COL14A1: variants seen among roughly 807,000 people sequenced by gnomAD.
COL14A1 encodes collagen alpha-1(XIV) chain.
In COL14A1, 136 loss-of-function variants were observed where a neutral mutation model predicts 230.3. That is an observed-to-expected ratio of 0.59 (90% CI 0.51 to 0.68). The LOEUF (loss-of-function observed/expected upper bound fraction) is 0.68, where lower values mean the gene tolerates loss of function less well. COL14A1 is among the 30% of genes least tolerant of loss of function. The pLI is 0.00. For missense variants in COL14A1, 1,976 were observed against 2,215.8 expected (o/e 0.89, Z 2.17); for synonymous variants, 792 against 784.1 (o/e 1.01, Z -0.17).
intron 19 of COL14A1, among the ~76,000 whole-genome samples, chr8:120,236,695 G>T (rs1156314227): frequency 2.0e-5 from 3 of 152,128 alleles, no homozygotes; most frequent in African/African-American, 7.2e-5. Flanking sequence ...ATTAGTTGAT[G>T]CAGTTTCTTC....
chr8:120,239,635 C>T (rs909529720), intron 19 of COL14A1, among the ~76,000 whole-genome samples: 2 of 151,976 alleles, frequency 1.3e-5, no homozygotes, highest in African/African-American at 2.4e-5. Context: ...TTCACTCAGA[C>T]CATACACTTC....
At chr8:120,260,345 C>G (rs1276549664) in intron 23 of COL14A1, among the ~76,000 whole-genome samples, 1 of 151,826 alleles carries the variant, frequency 6.6e-6, no homozygotes, top group Non-Finnish European at 1.5e-5. Context: ...GGCAATTTAA[C>G]TAGGTTTGAT....
chr8:120,321,615 C>A (rs1821446954), intron 40 of COL14A1, among the ~76,000 whole-genome samples: 1 of 150,460 alleles, frequency 6.6e-6, no homozygotes, highest in African/African-American at 2.5e-5. Flanking sequence ...TGCACTCCAG[C>A]CTGGGCGACA....
intron 34 of COL14A1, among the ~76,000 whole-genome samples, chr8:120,290,622 A>G (rs1221244394): frequency 1.3e-5 from 2 of 152,370 alleles, no homozygotes; most frequent in Middle Eastern, 3.4e-3. Context: ...CAGTTATACA[A>G]GAGCTGGTAG....
rs538682019 is a variant in COL14A1, at chr8:120,343,213, G to A, written c.4888+767G>A. ...AGATGGTTACTAGTGTGGGCCCTTC[G>A]CTTTGCCAGTAATTTGTTCAGTTCC... On this transcript the variant is annotated intron_variant, in intron 44 of 47. Coordinates refer to ENST00000297848, the MANE Select transcript of COL14A1 (RefSeq NM_021110.4). Among the ~76,000 whole-genome samples, 21 of 152,142 alleles carry A rather than the reference G, an allele frequency of 1.4e-4. No homozygotes were observed. In the South Asian group the frequency reaches 2.5e-3, roughly 18 times the overall value.
At chr8:120,338,831 GTTAAGGA>G (rs1199355430) in intron 42 of COL14A1, among the ~76,000 whole-genome samples, 5 of 152,232 alleles carry the variant, frequency 3.3e-5, no homozygotes, top group Admixed American at 1.3e-4. Flanking sequence ...AACTGTTTCC[GTTAAGGA>G]TTATTTAGTG....
rs145463124 is a variant in COL14A1 at position 120,236,930 on chromosome 8, A to T, written c.2349+5312A>T. Among the ~76,000 whole-genome samples, 1,106 of 152,286 alleles carry T rather than the reference A, an allele frequency of 7.3e-3. 12 individuals are homozygous for T. The highest frequency in any genetic ancestry group is 0.025 in the African/African-American group (1,059 of 41,554). ...GGGTTGAAAATTCTTTTCTTTAAGA[A>T]TGTTGAATGTTGGCCCCCACGCTCT... On this transcript the variant is annotated intron_variant, in intron 19 of 47. Coordinates refer to ENST00000297848, the MANE Select transcript of COL14A1 (RefSeq NM_021110.4).
chr8:120,175,664 G>A (rs185683218), intron 5 of COL14A1, among the ~76,000 whole-genome samples: 6 of 152,184 alleles, frequency 3.9e-5, no homozygotes, highest in East Asian at 1.9e-4. Context: ...TATGGCTGCC[G>A]TCCCACAATA....
At chr8:120,298,326 C>G (rs906774190) in intron 35 of COL14A1, among the ~76,000 whole-genome samples, 2 of 151,366 alleles carry the variant, frequency 1.3e-5, no homozygotes, top group Admixed American at 1.3e-4. Context: ...TTCACAGGAC[C>G]CCTGTGAGCT....
At chr8:120,368,161 T>C (rs187574081) in intron 46 of COL14A1, among the ~76,000 whole-genome samples, 1 of 152,262 alleles carries the variant, frequency 6.6e-6, no homozygotes, top group Non-Finnish European at 1.5e-5. Flanking sequence ...GAGTTTTGTG[T>C]ATTATATGCT....
intron 1 of COL14A1, among the ~76,000 whole-genome samples, chr8:120,139,815 G>C (rs1355249113): frequency 6.6e-6 from 1 of 151,978 alleles, no homozygotes; most frequent in Non-Finnish European, 1.5e-5. Flanking sequence ...CTGGAGCCCA[G>C]GAGTTCAAGA....
At chr8:120,359,424 A>C (rs181638304) in intron 45 of COL14A1, among the ~76,000 whole-genome samples, 371 of 152,268 alleles carry the variant, frequency 2.4e-3, no homozygotes, top group Non-Finnish European at 3.7e-3. Flanking sequence ...GACACAGCTC[A>C]CTTTTCCAAC....
chr8:120,203,356 G>C (rs1278195199), intron 8 of COL14A1, among the ~76,000 whole-genome samples: 1 of 151,540 alleles, frequency 6.6e-6, no homozygotes, highest in Non-Finnish European at 1.5e-5. Context: ...ATGGGGGTGG[G>C]GGGGGGTCCC....
intron 33 of COL14A1, among the ~76,000 whole-genome samples, chr8:120,288,969 A>G (rs1385808017): frequency 6.6e-6 from 1 of 152,178 alleles, no homozygotes; most frequent in South Asian, 2.1e-4. Flanking sequence ...TATCACCTAA[A>G]TAAGACAGAT....
intron 36 of COL14A1, among the ~76,000 whole-genome samples, chr8:120,304,173 A>AT (rs1296441575): frequency 1.3e-5 from 2 of 151,886 alleles, no homozygotes; most frequent in Non-Finnish European, 2.9e-5. Context: ...TATCTTATTA[A>AT]TTTTTTCAAA....
At chr8:120,313,282 C>T (rs1276398913) in intron 37 of COL14A1, among the ~76,000 whole-genome samples, 18 of 152,138 alleles carry the variant, frequency 1.2e-4, no homozygotes, top group Non-Finnish European at 8.8e-5. Flanking sequence ...ATCACTTGAA[C>T]CTGGGAGCGG....
Position 120,212,591 on chromosome 8 carries a change from C to A in COL14A1, c.1597+14C>A, listed in dbSNP as rs1349640031. 1 of 1,612,642 alleles carries A rather than the reference C, an allele frequency of 6.2e-7. No homozygotes were observed. Among genetic ancestry groups the A allele is most frequent in the African/African-American group, 1.3e-5 (1 of 74,966 alleles). On this transcript the variant is annotated intron_variant, in intron 13 of 47. Coordinates refer to ENST00000297848, the MANE Select transcript of COL14A1 (RefSeq NM_021110.4). ...AAGAAACAACATGTGAGCAGCACAG[C>A]CATTCAGTTGGGATGCTGTAGTAAA...
At chr8:120,292,690 C>G (rs1469118567) in intron 34 of COL14A1, among the ~76,000 whole-genome samples, 2 of 152,034 alleles carry the variant, frequency 1.3e-5, no homozygotes, top group Non-Finnish European at 2.9e-5. Context: ...TGTGCAAATT[C>G]TGGATTATTC....
At chr8:120,196,759 A>G (rs764394379) in intron 5 of COL14A1, 32 bp from the exon 6 acceptor site, 3 of 1,603,374 alleles carry the variant, frequency 1.9e-6, no homozygotes, top group Admixed American at 3.4e-5. Flanking sequence ...TCTGACAGTA[A>G]CACATGCGCT....
Sources: allele counts gnomAD v4.1 joint callset (sites outside exome capture counted in the v4.1 genomes callset), GRCh38; gene constraint gnomAD v4.1.1; transcripts MANE v1.5; gene names NCBI Gene and HGNC (gene_info 2026-07-23, HGNC 2026-07-21).